The following NCK2 variants were observed in gnomAD, a reference collection of about 807,000 sequenced individuals.
NCK2 encodes NCK adaptor protein 2, also known as cytoplasmic protein NCK2.
Under a neutral mutation model 33.9 loss-of-function variants are expected in NCK2, and 16 were observed. The ratio of observed to expected loss-of-function variants is 0.47; its 90% CI spans 0.32 to 0.72. NCK2 has a LOEUF of 0.72. Ranked by LOEUF, NCK2 falls within the 30% of genes least tolerant of loss-of-function variation. The probability of loss-of-function intolerance (pLI) is 0.03; values close to 1 mark genes in which losing one functional copy is unlikely to be tolerated. For synonymous variants in NCK2, 273 were observed against 239.9 expected (o/e 1.14, Z -1.27); for missense variants, 418 against 537.3 (o/e 0.78, Z 2.19).
At chr2:105,838,107 T>A (rs1676499715) in intron 2 of NCK2, among the ~76,000 whole-genome samples, 1 of 152,138 alleles carries the variant, frequency 6.6e-6, no homozygotes, top group Admixed American at 6.5e-5. Context: ...CAGTCCTTTT[T>A]TTTTTTGTAC....
intron 1 of NCK2, among the ~76,000 whole-genome samples, chr2:105,788,906 G>A (rs1417914791): frequency 1.3e-5 from 2 of 152,058 alleles, no homozygotes; most frequent in Non-Finnish European, 2.9e-5. Flanking sequence ...TGCTCGTTTG[G>A]GTTTCTAAAA....
chr2:105,876,386 G>A (rs966775727), intron 3 of NCK2, among the ~76,000 whole-genome samples: 3 of 152,320 alleles, frequency 2.0e-5, no homozygotes, highest in East Asian at 1.9e-4. Flanking sequence ...CCTACCTCAC[G>A]TCTCCCTGAA....
intron 1 of NCK2, among the ~76,000 whole-genome samples, chr2:105,793,724 G>A (rs1232952461): frequency 6.6e-6 from 1 of 152,236 alleles, no homozygotes; most frequent in African/African-American, 2.4e-5. Flanking sequence ...GCCTTGGCCA[G>A]CGAAAGCTGC....
intron 1 of NCK2, among the ~76,000 whole-genome samples, chr2:105,800,549 T>C (rs1329871402): frequency 6.6e-6 from 1 of 152,088 alleles, no homozygotes; most frequent in African/African-American, 2.4e-5. Context: ...CATATGTGTG[T>C]GTGATTAGCC....
intron 1 of NCK2, among the ~76,000 whole-genome samples, chr2:105,774,222 T>TA (rs1163046319): frequency 6.6e-6 from 1 of 152,068 alleles, no homozygotes; most frequent in African/African-American, 2.4e-5. Context: ...TTGGCCAGGC[T>TA]GGTCTCGAAC....
At chr2:105,849,044 CAT>C (rs1676960522) in intron 2 of NCK2, among the ~76,000 whole-genome samples, 1 of 152,080 alleles carries the variant, frequency 6.6e-6, no homozygotes. Flanking sequence ...CTGGAAGTAA[CAT>C]GTTAGACTTG....
chr2:105,880,875 C>G (rs1302757713), intron 3 of NCK2, among the ~76,000 whole-genome samples: 2 of 151,366 alleles, frequency 1.3e-5, no homozygotes, highest in Non-Finnish European at 2.9e-5. Flanking sequence ...CTGGCTCAAG[C>G]CATCCTCCCA....
At chr2:105,768,480 G>A (rs1157023087) in intron 1 of NCK2, among the ~76,000 whole-genome samples, 1 of 152,162 alleles carries the variant, frequency 6.6e-6, no homozygotes, top group East Asian at 1.9e-4. Flanking sequence ...TGATCAACTG[G>A]CTGTAAATTG....
At chr2:105,807,838 TCTCCCTCC>T (rs376845878) in intron 1 of NCK2, among the ~76,000 whole-genome samples, 2 of 13,214 alleles carry the variant, frequency 1.5e-4, no homozygotes, top group African/African-American at 3.1e-4. Context: ...CCCTTCTATC[TCTCCCTCC>T]CTCCCTCCCT....
In NCK2 at chr2:105,774,212, T is replaced by C. The variant is rs190042139; in HGVS notation, c.-201+29074T>C. Among the ~76,000 whole-genome samples, 748 of 152,158 alleles carry C rather than the reference T, an allele frequency of 4.9e-3. 9 individuals are homozygous for C. The highest frequency in any genetic ancestry group is 0.016 in the African/African-American group (661 of 41,528). On this transcript the variant is annotated intron_variant, in intron 1 of 4. Coordinates refer to ENST00000233154, the MANE Select transcript of NCK2 (RefSeq NM_003581.5). ...TTAGTAGAGACAGGTTTTCACCATG[T>C]TGGCCAGGCTGGTCTCGAACTCCTG...
At position 105,893,216 on chromosome 2, in the gene NCK2, TG is replaced by T; in HGVS notation, c.*42del. 6.5e-7 allele frequency: 1 copy of T among 1,529,112 alleles called. No homozygotes were observed. The highest frequency in any genetic ancestry group is 8.8e-7 in the Non-Finnish European group (1 of 1,134,710). 94.7% of individuals were successfully genotyped at this position (1,529,112 alleles called of 1,614,324 possible). A position where few individuals can be genotyped will look rare whatever the true frequency, so the allele number is the denominator to read the frequency against. Reference sequence around the variant, plus strand: ...CACACTCGCCTCCCGGGCCCCACGGTGGAGCTGCCCGCCCGGCCTTGTGGCA... The same window carrying T: ...CACACTCGCCTCCCGGGCCCCACGGTGAGCTGCCCGCCCGGCCTTGTGGCA... On this transcript the variant is annotated 3_prime_UTR_variant, in exon 5 of 5. Transcript: ENST00000233154.
chr2:105,869,585 GCTGT>G (rs1299211869), intron 3 of NCK2, among the ~76,000 whole-genome samples: 2 of 152,222 alleles, frequency 1.3e-5, no homozygotes, highest in Admixed American at 6.5e-5. Context: ...CCGTGAATGT[GCTGT>G]CTCTTTTTGT....
intron 3 of NCK2, among the ~76,000 whole-genome samples, chr2:105,859,502 A>T (rs577835641): frequency 6.6e-6 from 1 of 152,326 alleles, no homozygotes; most frequent in East Asian, 1.9e-4. Context: ...TTGCATGATC[A>T]GCCCCAGAAC....
chr2:105,848,392 G>C (rs372122827), intron 2 of NCK2: 4 of 152,156 alleles, frequency 2.6e-5, no homozygotes, highest in East Asian at 3.9e-4. Flanking sequence ...TTCAACGGTC[G>C]GAAGAGAGTT....
At chr2:105,780,065 C>G (rs1031765333) in intron 1 of NCK2, among the ~76,000 whole-genome samples, 2 of 152,020 alleles carry the variant, frequency 1.3e-5, no homozygotes. Context: ...TTGCCTTTAC[C>G]TTATTCAATG....
intron 4 of NCK2, among the ~76,000 whole-genome samples, chr2:105,883,866 A>G (rs889473512): frequency 6.6e-6 from 1 of 151,510 alleles, no homozygotes; most frequent in Non-Finnish European, 1.5e-5. Flanking sequence ...TAACTTAGAA[A>G]GTCAAGGAAC....
At chr2:105,810,133 G>A (rs183516493) in intron 1 of NCK2, among the ~76,000 whole-genome samples, 138 of 152,300 alleles carry the variant, frequency 9.1e-4, no homozygotes, top group Admixed American at 2.0e-3. Flanking sequence ...ACAGGGAAAG[G>A]AGTGTGGAAT....
chr2:105,870,504 C>T (rs192881365), intron 3 of NCK2, among the ~76,000 whole-genome samples: 20 of 152,270 alleles, frequency 1.3e-4, no homozygotes, highest in Non-Finnish European at 2.6e-4. Context: ...CCTGTAATTC[C>T]CAGCACAGTG....
chr2:105,811,911 C>T (rs1216441464), intron 1 of NCK2, among the ~76,000 whole-genome samples: 3 of 152,148 alleles, frequency 2.0e-5, no homozygotes, highest in Non-Finnish European at 2.9e-5. Context: ...TATTTGAAGG[C>T]AGAAATCATT....
Sources: gnomAD v4.1 joint callset for allele counts (sites outside exome capture counted in the v4.1 genomes callset) on GRCh38, gnomAD v4.1.1 for gene constraint, MANE v1.5 for transcripts, NCBI Gene and HGNC (gene_info 2026-07-23, HGNC 2026-07-21) for gene names.